The following PTPRT variants were observed in gnomAD, a reference collection of about 807,000 sequenced individuals.
The protein encoded by PTPRT is protein tyrosine phosphatase receptor type T.
In PTPRT, 56 loss-of-function variants were observed where a neutral mutation model predicts 176.8. That is an observed-to-expected ratio of 0.32 (90% CI 0.26 to 0.40). The LOEUF is 0.40. Among genes scored for constraint, PTPRT ranks in the 10% least tolerant of loss-of-function variants. The pLI is 1.00. For missense variants in PTPRT, 1,540 were observed against 1,908.2 expected (o/e 0.81, Z 3.60); for synonymous variants, 783 against 739.0 (o/e 1.06, Z -0.96).
intron 16 of PTPRT, among the ~76,000 whole-genome samples, chr20:42,164,202 A>T (rs1989729476): frequency 6.6e-6 from 1 of 152,192 alleles, no homozygotes; most frequent in Non-Finnish European, 1.5e-5. Context: ...TCCCAGAGGA[A>T]CTTGGGGCAT....
chr20:42,688,177 A>T (rs968346818), intron 6 of PTPRT: 1 of 152,220 alleles, frequency 6.6e-6, no homozygotes, highest in Non-Finnish European at 1.5e-5. Flanking sequence ...AAGGAAGAAG[A>T]TGCTCTCTTT....
At position 42,654,174 on chromosome 20, in the gene PTPRT, G is replaced by C. The variant is rs186202554; in HGVS notation, c.1153+23692C>G. Among the ~76,000 whole-genome samples, 5 of 152,198 alleles carry C rather than the reference G, an allele frequency of 3.3e-5. No homozygotes were observed. In the East Asian group the frequency reaches 9.7e-4, roughly 30 times the overall value. On this transcript the variant is annotated intron_variant, in intron 7 of 30. Coordinates refer to ENST00000373187, the MANE Select transcript of PTPRT (RefSeq NM_007050.6). Reference sequence around the variant, plus strand: ...TGAGGGAGAAATCAGGCTAGGTTTGGTGTTGGGATGCTCCCCATTGCTGTC... The same window carrying C: ...TGAGGGAGAAATCAGGCTAGGTTTGCTGTTGGGATGCTCCCCATTGCTGTC...
At chr20:43,050,937 C>G (rs994996712) in intron 1 of PTPRT, among the ~76,000 whole-genome samples, 1 of 152,186 alleles carries the variant, frequency 6.6e-6, no homozygotes, top group African/African-American at 2.4e-5. Flanking sequence ...CTCCCTCAAT[C>G]TGAATCCTCC....
At position 42,074,830 on chromosome 20, in the gene PTPRT, A is replaced by G. The variant is rs1053769809; in HGVS notation, c.*6049T>C. ...TGCAAAAGACTGGCTTGATCTCTAC[A>G]AGACATCTCTATAGTCAGTGCCATG... On this transcript the variant is annotated 3_prime_UTR_variant, in exon 31 of 31. Coordinates refer to ENST00000373187, the MANE Select transcript of PTPRT (RefSeq NM_007050.6). 2.0e-5 allele frequency: 8 copies of G among 398,534 alleles called. No homozygotes were observed. The highest frequency in any genetic ancestry group is 1.3e-5 in the Non-Finnish European group (3 of 226,082). 24.7% of individuals were successfully genotyped at this position (398,534 alleles called of 1,614,324 possible).
intron 6 of PTPRT, among the ~76,000 whole-genome samples, chr20:42,684,331 C>T (rs1036270086): frequency 3.3e-5 from 5 of 151,256 alleles, no homozygotes; most frequent in East Asian, 1.9e-4. Flanking sequence ...GGCAACACAG[C>T]GAGACTCTGT....
At chr20:42,730,993 G>A (rs956962163) in intron 6 of PTPRT, among the ~76,000 whole-genome samples, 1 of 152,070 alleles carries the variant, frequency 6.6e-6, no homozygotes, top group Non-Finnish European at 1.5e-5. Context: ...CCCAATCTCT[G>A]TCTCAGATTT....
chr20:42,195,981 G>A (rs942025966), intron 16 of PTPRT, among the ~76,000 whole-genome samples: 10 of 152,106 alleles, frequency 6.6e-5, no homozygotes, highest in African/African-American at 2.4e-4. Flanking sequence ...GGCCCATAGC[G>A]AACAGTGACA....
At chr20:42,304,049 A>G (rs1233234689) in intron 12 of PTPRT, among the ~76,000 whole-genome samples, 1 of 152,218 alleles carries the variant, frequency 6.6e-6, no homozygotes, top group Non-Finnish European at 1.5e-5. Flanking sequence ...GTAAAAGATG[A>G]CACTTGATGA....
chr20:42,910,751 T>G (rs916155583), intron 1 of PTPRT, among the ~76,000 whole-genome samples: 2 of 152,204 alleles, frequency 1.3e-5, no homozygotes, highest in African/African-American at 4.8e-5. Context: ...CAAAATCTTC[T>G]TTGAAATGAC....
At chr20:42,730,518 AT>A (rs766966252) in intron 6 of PTPRT, among the ~76,000 whole-genome samples, 1 of 152,334 alleles carries the variant, frequency 6.6e-6, no homozygotes, top group East Asian at 1.9e-4. Context: ...AGCAAAGGGA[AT>A]TGGAAGAGAG....
intron 1 of PTPRT, among the ~76,000 whole-genome samples, chr20:43,093,449 T>A (rs1473402339): frequency 6.6e-6 from 1 of 152,238 alleles, no homozygotes; most frequent in African/African-American, 2.4e-5. Flanking sequence ...ATAGGAATTG[T>A]TTCCCAAAAG....
intron 6 of PTPRT, among the ~76,000 whole-genome samples, chr20:42,686,876 C>G (rs1411341339): frequency 3.9e-5 from 6 of 152,096 alleles, no homozygotes; most frequent in Non-Finnish European, 7.4e-5. Context: ...CTTAGATAAA[C>G]TATTCGCAAA....
chr20:43,132,192 A>G (rs2013665533), intron 1 of PTPRT, among the ~76,000 whole-genome samples: 1 of 152,208 alleles, frequency 6.6e-6, no homozygotes, highest in Non-Finnish European at 1.5e-5. Flanking sequence ...ACAAAATAAT[A>G]TAATGAAAAA....
At chr20:42,459,856 A>AGTGTGTGTGTGTGTGTGTGTGTG (rs2070988586) in intron 8 of PTPRT, among the ~76,000 whole-genome samples, 1 of 152,092 alleles carries the variant, frequency 6.6e-6, no homozygotes, top group Non-Finnish European at 1.5e-5. Context: ...ACACCCAGCA[A>AGTGTGTGTGTGTGTGTGTGTGTG]TTCACCTGCC....
At chr20:42,543,459 T>C (rs1813120801) in intron 7 of PTPRT, among the ~76,000 whole-genome samples, 1 of 152,192 alleles carries the variant, frequency 6.6e-6, no homozygotes, top group Non-Finnish European at 1.5e-5. Context: ...TCAGGCTTCA[T>C]ATCTAATTCT....
At chr20:43,055,361 A>C (rs2146240881) in intron 1 of PTPRT, among the ~76,000 whole-genome samples, 1 of 152,332 alleles carries the variant, frequency 6.6e-6, no homozygotes, top group South Asian at 2.1e-4. Flanking sequence ...CTGTCAACTA[A>C]GGGGGCAGGA....
intron 9 of PTPRT, among the ~76,000 whole-genome samples, chr20:42,363,273 TATATATATATATA>T (rs2058458041): frequency 6.3e-5 from 1 of 15,866 alleles, no homozygotes; most frequent in South Asian, 3.5e-3. Flanking sequence ...ATTACAATTA[TATATATATATATA>T]TATATATATA....
chr20:42,759,655 C>T (rs1188736739), intron 5 of PTPRT, among the ~76,000 whole-genome samples: 1 of 152,150 alleles, frequency 6.6e-6, no homozygotes, highest in East Asian at 1.9e-4. Flanking sequence ...CAGATAAGGC[C>T]CTTATCTACC....
chr20:42,341,338 T>C (rs2058108154), intron 11 of PTPRT, among the ~76,000 whole-genome samples: 1 of 152,190 alleles, frequency 6.6e-6, no homozygotes, highest in Non-Finnish European at 1.5e-5. Context: ...ATCATCTTCA[T>C]TTCTCTGTAG....
Sources: gnomAD v4.1 joint callset for allele counts (sites outside exome capture counted in the v4.1 genomes callset) on GRCh38, gnomAD v4.1.1 for gene constraint, MANE v1.5 for transcripts, NCBI Gene and HGNC (gene_info 2026-07-23, HGNC 2026-07-21) for gene names.